The following WDR25 variants were observed in gnomAD, a reference collection of about 807,000 sequenced individuals.
WDR25 encodes the protein WD repeat-containing protein 25.
WDR25 carries 35 observed loss-of-function variants against 47.7 expected under a neutral mutation model. The ratio of observed to expected loss-of-function variants is 0.73; its 90% CI spans 0.56 to 0.97. WDR25 has a LOEUF of 0.97. WDR25 is among the 50% of genes least tolerant of loss of function. The pLI, the probability that WDR25 is intolerant of heterozygous loss-of-function variation, is 0.00. For missense variants in WDR25, 634 were observed against 704.7 expected (o/e 0.90, Z 1.14); for synonymous variants, 248 against 278.9 (o/e 0.89, Z 1.10).
At chr14:100,391,545 A>G (rs919444250) in intron 2 of WDR25, among the ~76,000 whole-genome samples, 1 of 152,186 alleles carries the variant, frequency 6.6e-6, no homozygotes, top group East Asian at 1.9e-4. Context: ...CATAAAAGAA[A>G]TGCAATCTGG....
chr14:100,491,503 A>G (rs904946752), intron 4 of WDR25, among the ~76,000 whole-genome samples: 14 of 152,358 alleles, frequency 9.2e-5, no homozygotes, highest in African/African-American at 3.4e-4. Context: ...TGTTCAGTAC[A>G]ATCACATGCT....
intron 2 of WDR25, among the ~76,000 whole-genome samples, chr14:100,412,307 T>C (rs1408442606): frequency 6.6e-6 from 1 of 150,736 alleles, no homozygotes; most frequent in Non-Finnish European, 1.5e-5. Flanking sequence ...ATGAAGGAAA[T>C]GGTGCACGGA....
intron 4 of WDR25, among the ~76,000 whole-genome samples, chr14:100,486,547 C>T (rs868723777): frequency 7.9e-5 from 12 of 152,326 alleles, no homozygotes; most frequent in Middle Eastern, 3.4e-3. Context: ...CTCTTTCCTG[C>T]TTAGACAGGT....
Position 100,525,914 on chromosome 14 carries a change from C to A in WDR25, c.1146C>A (p.Ile382=), listed in dbSNP as rs774857146. 6.2e-7 allele frequency: 1 copy of A among 1,613,980 alleles called. No homozygotes were observed. The highest frequency in any genetic ancestry group is 1.1e-5 in the South Asian group (1 of 91,080). The part of the protein sequence containing the change: ...YKATIQQTLD[I]LFLREGSEFL... ...CGACCATCCAGCAGACCTTGGACAT[C>A]CTGTTCCTCCGGGAAGGCTCCGAGT... is the stretch of plus-strand genomic sequence containing the variant. Residue 382 remains isoleucine (I), a synonymous_variant, in exon 5 of 7, where the codon ATC becomes ATA. Transcript: ENST00000402312. The surrounding 1 kb of genome is among the most constrained non-coding windows in gnomAD (Gnocchi z 4.6).
chr14:100,494,844 C>T (rs1900681286), intron 4 of WDR25, among the ~76,000 whole-genome samples: 1 of 152,188 alleles, frequency 6.6e-6, no homozygotes, highest in South Asian at 2.1e-4. Context: ...AGGTTAGACT[C>T]TGGCTAACTA....
Position 100,381,668 on chromosome 14 carries a change from T to C in WDR25, c.744T>C (p.Pro248=). ...TCCACCTGAGAGGCCACAGGGGCCC[T>C]GTCAACACCATTCAGTGGTGTCCAG... ...VLFHLRGHRG[P]VNTIQWCPVL... Residue 248 remains proline (P), a synonymous_variant, in exon 2 of 7, where the codon CCT becomes CCC. Coordinates refer to ENST00000402312, the MANE Select transcript of WDR25 (RefSeq NM_001161476.3). 2 of 1,614,256 alleles carry C rather than the reference T, an allele frequency of 1.2e-6. No individual in the cohort carries two copies. The highest frequency in any genetic ancestry group is 1.7e-6 in the Non-Finnish European group (2 of 1,180,046).
chr14:100,391,146 T>C (rs1897135743), intron 2 of WDR25, among the ~76,000 whole-genome samples: 1 of 152,218 alleles, frequency 6.6e-6, no homozygotes, highest in South Asian at 2.1e-4. Flanking sequence ...CTGACATTTT[T>C]CGCTGTCAAG....
At chr14:100,436,188 G>A (rs1486573503) in intron 2 of WDR25, among the ~76,000 whole-genome samples, 1 of 152,088 alleles carries the variant, frequency 6.6e-6, no homozygotes, top group Non-Finnish European at 1.5e-5. Context: ...ATCTCATTGA[G>A]TCCTCCCATC....
chr14:100,463,395 C>T (rs1899494494), intron 2 of WDR25, among the ~76,000 whole-genome samples: 1 of 152,166 alleles, frequency 6.6e-6, no homozygotes, highest in Non-Finnish European at 1.5e-5. Context: ...TGTCAAAACA[C>T]TCTCTTCTCT....
In WDR25 at chr14:100,425,281, T is replaced by G. The variant is rs969225457; in HGVS notation, c.823-42740T>G. ...TTAATGTGCACATCCTGTCACCCCA[T>G]GGGCCTAAGCTGTAACGGGGCAGGG... is the stretch of plus-strand genomic sequence containing the variant. On this transcript the variant is annotated intron_variant, in intron 2 of 6. Transcript: ENST00000402312. This position sits in a 1 kb window ranked among gnomAD's most constrained non-coding sequence, Gnocchi z 4.8. 8.5e-5 allele frequency among the ~76,000 whole-genome samples: 13 copies of G among 152,294 alleles called. No individual in the cohort carries two copies. Among genetic ancestry groups the G allele is most frequent in the East Asian group, 5.8e-4 (3 of 5,178 alleles).
intron 4 of WDR25, among the ~76,000 whole-genome samples, chr14:100,489,178 A>G (rs935332121): frequency 1.2e-4 from 19 of 152,364 alleles, no homozygotes; most frequent in Admixed American, 9.8e-4. Context: ...GTGTCAGATG[A>G]GATATGGTGT....
At chr14:100,437,879 G>A (rs1898549947) in intron 2 of WDR25, among the ~76,000 whole-genome samples, 1 of 152,124 alleles carries the variant, frequency 6.6e-6, no homozygotes, top group Non-Finnish European at 1.5e-5. Context: ...ATGCTAAGGG[G>A]TTCAAGGAGG....
At chr14:100,472,782 G>A (rs957403878) in intron 3 of WDR25, among the ~76,000 whole-genome samples, 7 of 152,220 alleles carry the variant, frequency 4.6e-5, no homozygotes, top group Admixed American at 2.0e-4. Flanking sequence ...GGGACAACAC[G>A]CACTCTTTAT....
intron 4 of WDR25, among the ~76,000 whole-genome samples, chr14:100,491,891 C>G (rs1246861780): frequency 1.3e-5 from 2 of 152,232 alleles, no homozygotes; most frequent in Admixed American, 1.3e-4. Context: ...GTGAGAGCAG[C>G]CTTCCTGCCC....
intron 2 of WDR25, among the ~76,000 whole-genome samples, chr14:100,421,181 C>T (rs978492507): frequency 5.9e-5 from 9 of 152,184 alleles, no homozygotes; most frequent in Non-Finnish European, 1.0e-4. Context: ...GAAAGAGCTC[C>T]TCTTTCTTAT....
intron 2 of WDR25, among the ~76,000 whole-genome samples, chr14:100,433,901 T>A (rs1354251012): frequency 6.6e-6 from 1 of 152,134 alleles, no homozygotes; most frequent in Non-Finnish European, 1.5e-5. Flanking sequence ...CAAGGAGCTC[T>A]GGTTCCTTTT....
At chr14:100,422,492 C>T (rs948070725) in intron 2 of WDR25, among the ~76,000 whole-genome samples, 2 of 152,168 alleles carry the variant, frequency 1.3e-5, no homozygotes, top group African/African-American at 2.4e-5. Context: ...TTCAATGGGA[C>T]GAGCCTCACA....
chr14:100,518,384 T>C (rs1300893642), intron 4 of WDR25, among the ~76,000 whole-genome samples: 2 of 152,176 alleles, frequency 1.3e-5, no homozygotes, highest in Non-Finnish European at 2.9e-5. Flanking sequence ...TTTTTTTTTT[T>C]CCTGGGCACT....
At chr14:100,396,134 G>A (rs1215548841) in intron 2 of WDR25, among the ~76,000 whole-genome samples, 5 of 151,828 alleles carry the variant, frequency 3.3e-5, no homozygotes, top group Admixed American at 6.6e-5. Flanking sequence ...CCACCACCAC[G>A]CCCGGCTAAT....
Sources: allele counts gnomAD v4.1 joint callset (sites outside exome capture counted in the v4.1 genomes callset), GRCh38; gene constraint gnomAD v4.1.1; non-coding constraint Gnocchi (gnomAD v3.1); transcripts MANE v1.5; gene names NCBI Gene and HGNC (gene_info 2026-07-23, HGNC 2026-07-21).